Variants in WDPCP observed in about 807,000 individuals in gnomAD.
WDPCP encodes WD repeat-containing and planar cell polarity effector protein fritz homolog.
In WDPCP, 71 loss-of-function variants were observed where a neutral mutation model predicts 93.1. That is an observed-to-expected ratio of 0.76 (90% CI 0.63 to 0.93). The LOEUF (loss-of-function observed/expected upper bound fraction) is 0.93, where lower values mean the gene tolerates loss of function less well. Among genes scored for constraint, WDPCP ranks in the 40% least tolerant of loss-of-function variants. The pLI is 0.00. For missense variants in WDPCP, 844 were observed against 887.4 expected (o/e 0.95, Z 0.62); for synonymous variants, 315 against 315.0 (o/e 1.00, Z 0.00).
chr2:63,540,758 G>A (rs1474404479), intron 1 of WDPCP, among the ~76,000 whole-genome samples: 1 of 151,908 alleles, frequency 6.6e-6, no homozygotes, highest in Non-Finnish European at 1.5e-5. Context: ...TTGTTTGTTT[G>A]TTTGTTTGTT....
intron 2 of WDPCP, among the ~76,000 whole-genome samples, chr2:63,738,629 C>T (rs1359870632): frequency 2.0e-5 from 3 of 152,020 alleles, no homozygotes; most frequent in African/African-American, 7.3e-5. Context: ...CCAAACATTG[C>T]CTGAAAACCA....
intron 2 of WDPCP, among the ~76,000 whole-genome samples, chr2:63,808,002 A>G (rs1433310430): frequency 6.6e-6 from 1 of 152,220 alleles, no homozygotes; most frequent in Non-Finnish European, 1.5e-5. Context: ...ATAGATATTC[A>G]ATGTACTTAC....
intron 1 of WDPCP, among the ~76,000 whole-genome samples, chr2:63,824,594 C>T (rs1671085156): frequency 1.4e-5 from 2 of 145,914 alleles, no homozygotes; most frequent in Non-Finnish European, 3.0e-5. Flanking sequence ...CAATAAAATG[C>T]CAGGATAATT....
chr2:63,501,799 A>G (rs189699803), intron 1 of WDPCP, among the ~76,000 whole-genome samples: 3 of 152,222 alleles, frequency 2.0e-5, no homozygotes, highest in African/African-American at 7.2e-5. Context: ...TATTTTTAAT[A>G]GAGACAGCAT....
In WDPCP at chr2:63,231,731, A is replaced by G. The variant is rs540584285; in HGVS notation, c.1915+27576T>C. 2.0e-5 allele frequency among the ~76,000 whole-genome samples: 3 copies of G among 152,340 alleles called. No individual in the cohort carries two copies. In the South Asian group the frequency reaches 6.2e-4, roughly 32 times the overall value. On this transcript the variant is annotated intron_variant, in intron 14 of 17. Transcript: ENST00000272321. ...CCATGCTCATGGATAGGAAGAATCA[A>G]TATCATGAAAATGGCCATACTGCCC...
intron 3 of WDPCP, among the ~76,000 whole-genome samples, chr2:63,608,466 A>G (rs140770805): frequency 5.9e-5 from 9 of 152,268 alleles, no homozygotes; most frequent in African/African-American, 1.7e-4. Flanking sequence ...GTCCACATGT[A>G]ATAGGCAATA....
chr2:63,416,469 G>A (rs542575151), intron 9 of WDPCP, among the ~76,000 whole-genome samples: 1 of 58,868 alleles, frequency 1.7e-5, no homozygotes, highest in African/African-American at 5.2e-5. Flanking sequence ...CAAAGTGCTG[G>A]GATTACAGGT....
chr2:63,833,045 G>T, the WDPCP span, among the ~76,000 whole-genome samples: 1 of 152,296 alleles, frequency 6.6e-6, no homozygotes, highest in East Asian at 1.9e-4. Context: ...TTGAGGTCAG[G>T]AGTTCAGGAC....
At chr2:63,323,412 C>T (rs550005984) in intron 12 of WDPCP, among the ~76,000 whole-genome samples, 2 of 152,140 alleles carry the variant, frequency 1.3e-5, no homozygotes, top group African/African-American at 2.4e-5. Flanking sequence ...AAAGCCCCAT[C>T]GTAGGGGGGA....
chr2:63,277,536 A>G (rs1488749908), intron 13 of WDPCP, among the ~76,000 whole-genome samples: 2 of 152,240 alleles, frequency 1.3e-5, no homozygotes, highest in Non-Finnish European at 2.9e-5. Flanking sequence ...ACTCCCATAA[A>G]TTTAAGGTAA....
chr2:63,639,861 T>C (rs1338769526), intron 3 of WDPCP, among the ~76,000 whole-genome samples: 1 of 152,184 alleles, frequency 6.6e-6, no homozygotes, highest in Non-Finnish European at 1.5e-5. Context: ...GGTAGGAAAG[T>C]AAAACGGTAC....
chr2:63,296,275 T>G (rs1341969382), intron 13 of WDPCP, among the ~76,000 whole-genome samples: 1 of 149,614 alleles, frequency 6.7e-6, no homozygotes, highest in African/African-American at 2.5e-5. Context: ...TGGCAAACTA[T>G]GCATTGAGGG....
At chr2:63,791,879 A>G (rs1395805954) in intron 2 of WDPCP, among the ~76,000 whole-genome samples, 2 of 152,210 alleles carry the variant, frequency 1.3e-5, no homozygotes, top group African/African-American at 2.4e-5. Context: ...CATAATAACT[A>G]TGAAATTAAA....
intron 2 of WDPCP, among the ~76,000 whole-genome samples, chr2:63,750,968 TCA>T (rs1669869980): frequency 1.3e-5 from 2 of 152,270 alleles, no homozygotes; most frequent in South Asian, 4.1e-4. Flanking sequence ...GGTTTTAGTA[TCA>T]GAGTTATGGT....
upstream of WDPCP, among the ~76,000 whole-genome samples, chr2:63,832,402 G>A (rs1206368237): frequency 1.3e-5 from 2 of 152,084 alleles, no homozygotes; most frequent in Non-Finnish European, 2.9e-5. Context: ...AAAATCACCA[G>A]GCCAACACAG....
chr2:63,530,885 C>CT (rs1553423649), intron 1 of WDPCP, among the ~76,000 whole-genome samples: 1 of 152,216 alleles, frequency 6.6e-6, no homozygotes, highest in Non-Finnish European at 1.5e-5. Context: ...CAAAGCAAGG[C>CT]GGGCATTGCC....
intron 3 of WDPCP, among the ~76,000 whole-genome samples, chr2:63,624,734 C>T (rs1162824938): frequency 1.3e-5 from 2 of 152,130 alleles, no homozygotes; most frequent in African/African-American, 2.4e-5. Context: ...GATTCACAGC[C>T]GAATTCTACC....
upstream of WDPCP, among the ~76,000 whole-genome samples, chr2:63,592,905 C>G (rs1709226735): frequency 6.6e-6 from 1 of 151,930 alleles, no homozygotes; most frequent in Non-Finnish European, 1.5e-5. Context: ...ATAATTTCTT[C>G]CTGTATTCCC....
At chr2:63,437,786 T>C (rs1697236423) in intron 7 of WDPCP, 8 of 1,450,712 alleles carry the variant, frequency 5.5e-6, no homozygotes, top group East Asian at 2.3e-5. Flanking sequence ...TATACACTGA[T>C]ATTTGGGGAC....
Sources: gnomAD v4.1 joint callset for allele counts (sites outside exome capture counted in the v4.1 genomes callset) on GRCh38, gnomAD v4.1.1 for gene constraint, MANE v1.5 for transcripts, NCBI Gene and HGNC (gene_info 2026-07-23, HGNC 2026-07-21) for gene names.